The following GPC5 variants were observed in gnomAD, a reference collection of about 807,000 sequenced individuals.
The protein encoded by GPC5 is glypican-5.
A neutral mutation model predicts 53.9 loss-of-function variants in GPC5; 47 were observed. The observed-to-expected ratio is 0.87, with a 90% CI of 0.69 to 1.11. GPC5 has a LOEUF of 1.11. Among genes scored for constraint, GPC5 ranks in the 50% most tolerant of loss-of-function variants. The pLI is 0.00. For missense variants in GPC5, 748 were observed against 713.1 expected (o/e 1.05, Z -0.56); for synonymous variants, 286 against 263.3 (o/e 1.09, Z -0.84).
chr13:92,639,989 T>A (rs1885536547), intron 7 of GPC5, among the ~76,000 whole-genome samples: 2 of 151,466 alleles, frequency 1.3e-5, no homozygotes, highest in South Asian at 4.2e-4. Flanking sequence ...TCTCTCTCTC[T>A]CACTCTCTCT....
At chr13:91,875,558 T>G (rs1388037195) in intron 5 of GPC5, among the ~76,000 whole-genome samples, 3 of 152,144 alleles carry the variant, frequency 2.0e-5, no homozygotes, top group Non-Finnish European at 4.4e-5. Flanking sequence ...TTATTGAACA[T>G]TTTTTTCCTC....
intron 6 of GPC5, among the ~76,000 whole-genome samples, chr13:92,039,032 A>G (rs2040920957): frequency 6.6e-6 from 1 of 152,220 alleles, no homozygotes; most frequent in African/African-American, 2.4e-5. Context: ...AGATGTTTGA[A>G]ATTTTCTATT....
In GPC5 at chr13:91,746,826, ACT is replaced by A. The variant is rs1289986235; in HGVS notation, c.1155-9466_1155-9465del. Among the ~76,000 whole-genome samples the A allele has an allele frequency of 2.6e-5, 4 of 152,088 alleles. No individual in the cohort carries two copies. In the South Asian group the frequency reaches 6.2e-4, roughly 24 times the overall value. On this transcript the variant is annotated intron_variant, in intron 4 of 7. Transcript: ENST00000377067. Reference sequence around the variant, plus strand: ...TATTATACAGCTAATTAAAAATAAGACTCTATTTATTAACCTGAAAGGGCTTC... The same window carrying A: ...TATTATACAGCTAATTAAAAATAAGACTATTTATTAACCTGAAAGGGCTTC...
At chr13:91,871,695 GT>G (rs112446440) in intron 5 of GPC5, among the ~76,000 whole-genome samples, 6,481 of 146,030 alleles carry the variant, frequency 0.044, 446 homozygotes, top group African/African-American at 0.15. Flanking sequence ...TTCAAATTAA[GT>G]TTTTTTTTTT....
At chr13:92,233,336 TTAAGAG>T (rs753132033) in intron 7 of GPC5, among the ~76,000 whole-genome samples, 107 of 152,314 alleles carry the variant, frequency 7.0e-4, no homozygotes, top group Non-Finnish European at 9.0e-4. Context: ...ATTTCACACT[TTAAGAG>T]TAAGCATTTG....
rs568301623 is a variant in GPC5 at position 92,007,885 on chromosome 13, G to A, written c.1401+99828G>A. Among the ~76,000 whole-genome samples the A allele has an allele frequency of 9.2e-4, 140 of 152,070 alleles. 1 individual carries two copies. In the Middle Eastern group the frequency reaches 0.034, roughly 37 times the overall value. On this transcript the variant is annotated intron_variant, in intron 6 of 7. Coordinates refer to ENST00000377067, the MANE Select transcript of GPC5 (RefSeq NM_004466.6). ...GTATCCTAGTCTCCCTTTATGCCAT[G>A]TACACCTTCACATATGAGGACTCCA...
At chr13:92,663,885 TATATATATATATATATATACAC>T (rs1174923686) in intron 7 of GPC5, among the ~76,000 whole-genome samples, 2,768 of 51,884 alleles carry the variant, frequency 0.053, 91 homozygotes, top group South Asian at 0.09. Flanking sequence ...TATATATATA[TATATATATATATATATATACAC>T]ACACACACAC....
intron 7 of GPC5, among the ~76,000 whole-genome samples, chr13:92,777,616 T>TCAAAA (rs113482634): frequency 0.073 from 11,061 of 152,136 alleles, 562 homozygotes; most frequent in South Asian, 0.16. Flanking sequence ...AGACTCCGTC[T>TCAAAA]CAAAACAAAA....
chr13:91,679,355 T>C (rs994693456), intron 2 of GPC5, among the ~76,000 whole-genome samples: 3 of 151,992 alleles, frequency 2.0e-5, no homozygotes, highest in Non-Finnish European at 4.4e-5. Flanking sequence ...ACATACAAAA[T>C]AAGGAGGTCA....
At chr13:92,268,014 T>A (rs2042814133) in intron 7 of GPC5, among the ~76,000 whole-genome samples, 1 of 152,104 alleles carries the variant, frequency 6.6e-6, no homozygotes, top group Admixed American at 6.5e-5. Flanking sequence ...TTTGTGCTTA[T>A]AACTTTTTGA....
chr13:91,625,782 A>G (rs1267661743), intron 2 of GPC5, among the ~76,000 whole-genome samples: 1 of 152,106 alleles, frequency 6.6e-6, no homozygotes, highest in African/African-American at 2.4e-5. Flanking sequence ...TACATCCTTT[A>G]TATATAGATA....
intron 7 of GPC5, among the ~76,000 whole-genome samples, chr13:92,586,495 G>T (rs1278791886): frequency 1.3e-5 from 2 of 152,210 alleles, no homozygotes; most frequent in Non-Finnish European, 2.9e-5. Context: ...GCCATGGGTT[G>T]TCCTGATGAA....
intron 4 of GPC5, among the ~76,000 whole-genome samples, chr13:91,731,969 T>C (rs2036709218): frequency 6.6e-6 from 1 of 152,234 alleles, no homozygotes. Context: ...GTATTTGCTA[T>C]TGTAAATAGT....
chr13:92,012,232 T>C (rs936419851), intron 6 of GPC5, among the ~76,000 whole-genome samples: 1 of 152,226 alleles, frequency 6.6e-6, no homozygotes, highest in Non-Finnish European at 1.5e-5. Context: ...TTTAATAGCT[T>C]GATTTGAAAA....
At chr13:92,783,304 A>T (rs573417366) in intron 7 of GPC5, among the ~76,000 whole-genome samples, 13 of 152,306 alleles carry the variant, frequency 8.5e-5, no homozygotes, top group African/African-American at 2.9e-4. Context: ...CATCACCTAT[A>T]GTAGACTGCT....
chr13:92,842,485 G>A lies in GPC5; in HGVS notation c.1562-23797G>A, dbSNP rs560089619. 5.3e-5 allele frequency among the ~76,000 whole-genome samples: 8 copies of A among 152,180 alleles called. No individual in the cohort carries two copies. In the South Asian group the frequency reaches 1.7e-3, roughly 32 times the overall value. On this transcript the variant is annotated intron_variant, in intron 7 of 7. Coordinates refer to ENST00000377067, the MANE Select transcript of GPC5 (RefSeq NM_004466.6). The stretch of plus-strand genomic sequence containing the variant: ...GCAAGTATGCACTTTTGCTAGGAGA[G>A]TTGTAACTATCTTATCTCTCAGGTT...
At chr13:91,608,591 G>A (rs1029315692) in intron 2 of GPC5, among the ~76,000 whole-genome samples, 2 of 152,198 alleles carry the variant, frequency 1.3e-5, no homozygotes, top group African/African-American at 4.8e-5. Context: ...GGCATGTTAT[G>A]TAGGGGCTGG....
chr13:91,449,858 C>G (rs1298270697), intron 2 of GPC5, among the ~76,000 whole-genome samples: 2 of 152,068 alleles, frequency 1.3e-5, no homozygotes, highest in Admixed American at 1.3e-4. Flanking sequence ...TCTTATAAAG[C>G]ATTAGCTATT....
intron 2 of GPC5, among the ~76,000 whole-genome samples, chr13:91,491,876 C>A (rs1883959230): frequency 6.6e-6 from 1 of 152,174 alleles, no homozygotes; most frequent in African/African-American, 2.4e-5. Flanking sequence ...TGCAAAGACT[C>A]TTTTTCCAAA....
Sources: allele counts gnomAD v4.1 joint callset (sites outside exome capture counted in the v4.1 genomes callset), GRCh38; gene constraint gnomAD v4.1.1; transcripts MANE v1.5; gene names NCBI Gene and HGNC (gene_info 2026-07-23, HGNC 2026-07-21).